The following CTNNA2 variants were observed in gnomAD, a reference collection of about 807,000 sequenced individuals.
CTNNA2 encodes the protein catenin alpha-2.
CTNNA2 carries 42 observed loss-of-function variants against 101.0 expected under a neutral mutation model. The ratio of observed to expected loss-of-function variants is 0.42; its 90% confidence interval spans 0.32 to 0.54. The LOEUF is 0.54. Ranked by LOEUF, CTNNA2 falls within the 20% of genes least tolerant of loss-of-function variation. CTNNA2 has a pLI of 0.14. For missense variants in CTNNA2, 871 were observed against 1,223.1 expected (o/e 0.71, Z 4.29); for synonymous variants, 450 against 456.4 (o/e 0.99, Z 0.18).
chr2:80,526,120 C>CTA (rs1690009714), intron 9 of CTNNA2, among the ~76,000 whole-genome samples: 1 of 152,174 alleles, frequency 6.6e-6, no homozygotes, highest in Admixed American at 6.5e-5. Flanking sequence ...AGTTAGGCCA[C>CTA]TATAGTTCAA....
At chr2:79,822,275 A>G (rs1678073140) in intron 3 of CTNNA2, among the ~76,000 whole-genome samples, 1 of 152,150 alleles carries the variant, frequency 6.6e-6, no homozygotes, top group Admixed American at 6.5e-5. Flanking sequence ...CTCTACATGT[A>G]AAAAATTTCA....
At chr2:79,470,247 C>A (rs1670983274) in intron 4 of CTNNA2, among the ~76,000 whole-genome samples, 1 of 152,168 alleles carries the variant, frequency 6.6e-6, no homozygotes, top group Non-Finnish European at 1.5e-5. Context: ...TAATGCTGGG[C>A]ATCTCAGCTA....
intron 3 of CTNNA2, among the ~76,000 whole-genome samples, chr2:79,750,048 C>T (rs373436048): frequency 3.5e-4 from 54 of 152,142 alleles, no homozygotes; most frequent in African/African-American, 9.6e-4. Flanking sequence ...ACGTGGTGTC[C>T]GCAAACTATG....
chr2:80,363,134 A>T lies in CTNNA2; in HGVS notation c.1057-30077A>T, dbSNP rs188605933. On this transcript the variant is annotated intron_variant, in intron 7 of 18. Transcript: ENST00000402739. ...CTAAATAATTATTTTGGTTTAAAAA[A>T]TCCTGCAAGATACATTTTAATACAA... 3.5e-3 allele frequency among the ~76,000 whole-genome samples: 533 copies of T among 152,246 alleles called. 1 individual carries two copies. The highest frequency in any genetic ancestry group is 5.7e-3 in the Non-Finnish European group (391 of 68,020).
rs1679331685 is a variant in CTNNA2 at position 80,409,202 on chromosome 2, A to G, written c.1138-10247A>G. Reference sequence around the variant, plus strand: ...CCACCTAAAATTTCACCCTTTTGAAATGCCAACTCTTCTGGGCTAAGTTAG... The same window carrying G: ...CCACCTAAAATTTCACCCTTTTGAAGTGCCAACTCTTCTGGGCTAAGTTAG... On this transcript the variant is annotated intron_variant, in intron 8 of 18. Coordinates refer to ENST00000402739, the MANE Select transcript of CTNNA2 (RefSeq NM_001282597.3). Among the ~76,000 whole-genome samples, 6 of 150,976 alleles carry G rather than the reference A, an allele frequency of 4.0e-5. No individual in the cohort carries two copies. The South Asian group carries it at 1.3e-3, about 32-fold the overall frequency.
rs1352767783 is a variant in CTNNA2 at position 80,647,687 on chromosome 2, G to T, written c.2677G>T (p.Val893Phe). Reference sequence around the variant, plus strand: ...TGTGGCCTCAACCAAATACCAGAAGGTCTATGGGACAGCAGCTGTCAACTC... The same window carrying T: ...TGTGGCCTCAACCAAATACCAGAAGTTCTATGGGACAGCAGCTGTCAACTC... ...SYVASTKYQK[V>F]YGTAAVNSPV... The change falls in exon 19 of 19, where the codon GTC (valine) becomes TTC (phenylalanine). Residue 893 changes from valine (V) to phenylalanine (F), a missense_variant. Val to Phe is a conservative substitution (Grantham distance 50). Around this residue, in one of 5 missense-constraint regions of CTNNA2, gnomAD observed 25 missense variants for 69.5 expected, o/e 0.36. Transcript: ENST00000402739. 6.2e-7 allele frequency: 1 copy of T among 1,613,512 alleles called. No homozygotes were observed. The highest frequency in any genetic ancestry group is 1.1e-5 in the South Asian group (1 of 91,066).
chr2:79,591,899 G>GA (rs1331975790), intron 1 of CTNNA2, among the ~76,000 whole-genome samples: 24 of 105,662 alleles, frequency 2.3e-4, no homozygotes, highest in African/African-American at 3.2e-4. Flanking sequence ...TGTTTCTTTT[G>GA]AAAAAAAAAT....
intron 18 of CTNNA2, among the ~76,000 whole-genome samples, chr2:80,630,631 G>A (rs943912300): frequency 6.6e-6 from 1 of 151,934 alleles, no homozygotes; most frequent in Non-Finnish European, 1.5e-5. Context: ...GCAAGACTCC[G>A]TCTCAAAAAT....
chr2:79,349,949 C>T (rs569526799), intron 3 of CTNNA2, among the ~76,000 whole-genome samples: 1 of 151,854 alleles, frequency 6.6e-6, no homozygotes, highest in African/African-American at 2.4e-5. Flanking sequence ...TGGCGGGCGC[C>T]TGTAGTCCTA....
intron 2 of CTNNA2, among the ~76,000 whole-genome samples, chr2:79,671,778 G>A (rs1176281741): frequency 6.6e-6 from 1 of 152,214 alleles, no homozygotes; most frequent in African/African-American, 2.4e-5. Context: ...GAGTCACCAA[G>A]TTTTTGAGAT....
intron 9 of CTNNA2, among the ~76,000 whole-genome samples, chr2:80,460,166 GA>G (rs948762260): frequency 2.0e-5 from 3 of 151,814 alleles, no homozygotes; most frequent in Admixed American, 6.6e-5. Context: ...GTTCGTAGAA[GA>G]AAAAAAATTG....
intron 4 of CTNNA2, among the ~76,000 whole-genome samples, chr2:79,423,193 C>A (rs1249030824): frequency 6.6e-6 from 1 of 152,136 alleles, no homozygotes; most frequent in Non-Finnish European, 1.5e-5. Flanking sequence ...ATCTAATTTA[C>A]TCTGAAAATT....
At chr2:79,848,518 A>G (rs1680418323) in intron 3 of CTNNA2, among the ~76,000 whole-genome samples, 1 of 152,172 alleles carries the variant, frequency 6.6e-6, no homozygotes. Context: ...GGCTACAACA[A>G]TGTAAAATTA....
intron 7 of CTNNA2, among the ~76,000 whole-genome samples, chr2:80,064,224 T>C (rs558359160): frequency 1.2e-3 from 184 of 152,348 alleles, no homozygotes; most frequent in African/African-American, 4.3e-3. Context: ...CCAATATTCA[T>C]GTGCAGAATA....
intron 9 of CTNNA2, among the ~76,000 whole-genome samples, chr2:80,523,373 T>G (rs1450285393): frequency 6.6e-6 from 1 of 152,044 alleles, no homozygotes; most frequent in East Asian, 1.9e-4. Context: ...AGCTGTAAAT[T>G]GAGAGAAGAA....
chr2:79,435,672 A>G (rs1405302508), intron 4 of CTNNA2, among the ~76,000 whole-genome samples: 1 of 152,178 alleles, frequency 6.6e-6, no homozygotes. Flanking sequence ...ACACTTCCAC[A>G]TGAGCCTGGC....
intron 9 of CTNNA2, among the ~76,000 whole-genome samples, chr2:80,524,228 C>T (rs999447910): frequency 6.6e-6 from 1 of 152,170 alleles, no homozygotes; most frequent in African/African-American, 2.4e-5. Flanking sequence ...ACTTCACCTC[C>T]AAGTGTTCTC....
At chr2:80,503,262 T>G (rs1688018513) in intron 9 of CTNNA2, among the ~76,000 whole-genome samples, 1 of 152,206 alleles carries the variant, frequency 6.6e-6, no homozygotes, top group Non-Finnish European at 1.5e-5. Context: ...TAGGATATTA[T>G]TGCTGGAGGG....
chr2:79,526,953 A>G (rs1318871608), intron 1 of CTNNA2, among the ~76,000 whole-genome samples: 1 of 152,158 alleles, frequency 6.6e-6, no homozygotes, highest in Non-Finnish European at 1.5e-5. Context: ...TAGGCAGTAG[A>G]TTTTTAGATA....
Sources: allele counts gnomAD v4.1 joint callset (sites outside exome capture counted in the v4.1 genomes callset), GRCh38; gene constraint gnomAD v4.1.1; regional missense constraint gnomAD v4.1.1; transcripts MANE v1.5; gene names NCBI Gene and HGNC (gene_info 2026-07-23, HGNC 2026-07-21).